Variants in KLRG1 observed in about 807,000 individuals in gnomAD.
The protein encoded by KLRG1 is killer cell lectin-like receptor subfamily G member 1.
Under a neutral mutation model 21.8 loss-of-function variants are expected in KLRG1, and 16 were observed. The observed-to-expected ratio is 0.73, with a 90% CI of 0.50 to 1.11. The LOEUF is 1.11. Among genes scored for constraint, KLRG1 ranks in the 50% most tolerant of loss-of-function variants. KLRG1 has a pLI of 0.00. For missense variants in KLRG1, 173 were observed against 218.3 expected (o/e 0.79, Z 1.31); for synonymous variants, 69 against 75.9 (o/e 0.91, Z 0.47).
chr12:8,974,823 G>T (rs1372965816), intron 1 of KLRG1, among the ~76,000 whole-genome samples: 1 of 151,802 alleles, frequency 6.6e-6, no homozygotes, highest in African/African-American at 2.4e-5. Context: ...TTTGTCTGTA[G>T]TTTCCTTTTC....
At chr12:9,057,660 C>T in the KLRG1 span, 1 of 152,540 alleles carries the variant, frequency 6.6e-6, no homozygotes, top group Non-Finnish European at 1.5e-5. Flanking sequence ...AAGCAGGTTT[C>T]AGCTTTCTTA....
At chr12:9,072,715 A>T in the KLRG1 span, 1 of 1,614,148 alleles carries the variant, frequency 6.2e-7, no homozygotes, top group Non-Finnish European at 8.5e-7. Flanking sequence ...AGCTCTGGCA[A>T]TGAGACCTGC....
the KLRG1 span, among the ~76,000 whole-genome samples, chr12:9,098,037 T>G: frequency 6.6e-6 from 1 of 152,260 alleles, no homozygotes; most frequent in African/African-American, 2.4e-5. Flanking sequence ...GAAACTAGTT[T>G]GACAACTCCT....
the KLRG1 span, among the ~76,000 whole-genome samples, chr12:9,134,133 G>A: frequency 5.9e-3 from 905 of 152,254 alleles, 10 homozygotes; most frequent in African/African-American, 0.021. Flanking sequence ...TCCCTGGTTA[G>A]ACTTTGCCTG....
chr12:9,178,886 G>A, the KLRG1 span, among the ~76,000 whole-genome samples: 2 of 151,844 alleles, frequency 1.3e-5, no homozygotes, highest in African/African-American at 4.8e-5. Context: ...ATAGGACAGG[G>A]GTCTCAGATA....
chr12:9,092,942 G>A, the KLRG1 span, among the ~76,000 whole-genome samples: 1 of 152,226 alleles, frequency 6.6e-6, no homozygotes, highest in Admixed American at 6.5e-5. Context: ...AGAAGATCCT[G>A]CCACTTGTGA....
At chr12:9,107,603 C>G in the KLRG1 span, 1 of 1,614,034 alleles carries the variant, frequency 6.2e-7, no homozygotes, top group Non-Finnish European at 8.5e-7. Context: ...TCTGCAAATG[C>G]TCACAGTCAC....
chr12:9,028,859 T>G, the KLRG1 span: 1 of 641,852 alleles, frequency 1.6e-6, no homozygotes. Context: ...TCCATCCACT[T>G]GTGTGGCCTT....
chr12:9,161,804 G>A, the KLRG1 span, among the ~76,000 whole-genome samples: 1 of 152,132 alleles, frequency 6.6e-6, no homozygotes, highest in Non-Finnish European at 1.5e-5. Context: ...TTAATGATAT[G>A]ATGAACTTAA....
chr12:9,052,769 T>C, the KLRG1 span: 2 of 427,906 alleles, frequency 4.7e-6, no homozygotes, highest in South Asian at 3.4e-5. Context: ...TCCAAACTTC[T>C]GTTTTTCATT....
At chr12:8,965,312 A>G (rs759220871) in intron 1 of KLRG1, among the ~76,000 whole-genome samples, 32 of 152,306 alleles carry the variant, frequency 2.1e-4, no homozygotes, top group African/African-American at 7.2e-4. Flanking sequence ...CTCCTATTCA[A>G]CATAGTGTTG....
chr12:9,173,189 A>G, the KLRG1 span, among the ~76,000 whole-genome samples: 5 of 152,364 alleles, frequency 3.3e-5, no homozygotes, highest in East Asian at 3.9e-4. Context: ...CCACACAACT[A>G]TATGGAAATT....
At chr12:9,047,240 TATAGAC>T in the KLRG1 span, among the ~76,000 whole-genome samples, 13 of 152,208 alleles carry the variant, frequency 8.5e-5, no homozygotes, top group Non-Finnish European at 1.3e-4. Context: ...CAATAAAACT[TATAGAC>T]ATGTGAAAGG....
At chr12:9,191,396 T>A in the KLRG1 span, among the ~76,000 whole-genome samples, 1 of 152,118 alleles carries the variant, frequency 6.6e-6, no homozygotes, top group African/African-American at 2.4e-5. Flanking sequence ...TTTTTAATGT[T>A]TAATTAAAAT....
chr12:9,150,449 A>T, the KLRG1 span, among the ~76,000 whole-genome samples: 9 of 152,110 alleles, frequency 5.9e-5, no homozygotes, highest in African/African-American at 2.2e-4. Flanking sequence ...CACCCAGCTA[A>T]TTTTTTGTAT....
the KLRG1 span, among the ~76,000 whole-genome samples, chr12:9,093,093 C>G: frequency 6.6e-6 from 1 of 152,048 alleles, no homozygotes; most frequent in Non-Finnish European, 1.5e-5. Flanking sequence ...GTTGGGGTTG[C>G]AGGGATGGGA....
the KLRG1 span, among the ~76,000 whole-genome samples, chr12:9,183,517 A>G: frequency 1.3e-5 from 2 of 152,134 alleles, no homozygotes; most frequent in South Asian, 4.1e-4. Flanking sequence ...GTACTGCCTC[A>G]GCCTCCCCAG....
At chr12:9,069,603 G>T in the KLRG1 span, 5 of 555,784 alleles carry the variant, frequency 9.0e-6, 1 homozygote, top group South Asian at 1.9e-4. Context: ...AAGGAGAGAA[G>T]AACATTCTTT....
chr12:9,058,478 TAA>T, the KLRG1 span: 1 of 152,096 alleles, frequency 6.6e-6, no homozygotes, highest in Non-Finnish European at 1.5e-5. Context: ...TGTTTTAATA[TAA>T]ACATATAAAT....
Sources: allele counts gnomAD v4.1 joint callset (sites outside exome capture counted in the v4.1 genomes callset), GRCh38; gene constraint gnomAD v4.1.1; transcripts MANE v1.5; gene names NCBI Gene and HGNC (gene_info 2026-07-23, HGNC 2026-07-21).